MAN2A2: variants seen among roughly 807,000 people sequenced by gnomAD.
MAN2A2 encodes mannosidase alpha class 2A member 2, also known as alpha-mannosidase 2x.
MAN2A2 carries 79 observed loss-of-function variants against 126.8 expected under a neutral mutation model. The observed-to-expected ratio is 0.62, with a 90% CI of 0.52 to 0.75. MAN2A2 has a LOEUF of 0.75. Among genes scored for constraint, MAN2A2 ranks in the 30% least tolerant of loss-of-function variants. The probability of loss-of-function intolerance (pLI) is 0.00; values close to 1 mark genes in which losing one functional copy is unlikely to be tolerated. For synonymous variants in MAN2A2, 671 were observed against 618.7 expected (o/e 1.08, Z -1.25); for missense variants, 1,392 against 1,522.4 (o/e 0.91, Z 1.43).
Position 90,905,456 on chromosome 15 carries a change from C to T in MAN2A2, c.338C>T (p.Pro113Leu), listed in dbSNP as rs777326496. ...EPRPSFFSIS[P>L]QDCQFALGGR... ...CGGCCCAGCTTCTTCTCCATCTCCCCGCAGGACTGCCAGTTTGCTTTGGGG... is the reference window on the plus strand; with the variant it reads ...CGGCCCAGCTTCTTCTCCATCTCCCTGCAGGACTGCCAGTTTGCTTTGGGG... The change falls in exon 3 of 23, where the codon CCG (proline) becomes CTG (leucine). Residue 113 changes from proline to leucine, a missense_variant. Pro to Leu is a moderately conservative substitution (Grantham distance 98, BLOSUM62 -3). Transcript: ENST00000559717. The T allele has an allele frequency of 1.4e-5, 23 of 1,613,800 alleles. No homozygotes were observed. The highest frequency in any genetic ancestry group is 1.6e-4 in the Middle Eastern group (1 of 6,082).
At chr15:90,906,153 G>A in intron 5 of MAN2A2, 137 bp downstream of exon 5, 1 of 1,364,044 alleles carries the variant, frequency 7.3e-7, no homozygotes, top group South Asian at 1.3e-5. Context: ...TGATGGTGGA[G>A]GGAGGGAAGG....
Position 90,910,875 on chromosome 15 carries a change from C to G in MAN2A2, c.1789C>G (p.Gln597Glu). The G allele has an allele frequency of 1.2e-6, 2 of 1,614,156 alleles. No homozygotes were observed. Among genetic ancestry groups the G allele is most frequent in the Non-Finnish European group, 1.7e-6 (2 of 1,180,020 alleles). Residue 597 changes from glutamine to glutamate, a missense_variant, in exon 12 of 23, where the codon CAG becomes GAG. Physicochemically the swap from Gln to Glu is conservative, Grantham distance 29. Coordinates refer to ENST00000559717, the MANE Select transcript of MAN2A2 (RefSeq NM_006122.4). ...TCTGCGCTCCCTTGTCAACCTGAAG[C>G]AGGTCATCATTCATGCAGCCCACTA... ...RLLRSLVNLK[Q>E]VIIHAAHYLV... is the part of the protein sequence containing the mutation.
At chr15:90,906,250 G>T in intron 5 of MAN2A2, 120 bp from the exon 6 acceptor site, 3 of 1,391,424 alleles carry the variant, frequency 2.2e-6, no homozygotes, top group Non-Finnish European at 2.0e-6. Flanking sequence ...GTGTTCTCTT[G>T]GTCCTGGGAT....
At chr15:90,907,610 A>C (rs2034403311) in intron 8 of MAN2A2, 115 bp downstream of exon 8, 1 of 930,108 alleles carries the variant, frequency 1.1e-6, no homozygotes, top group African/African-American at 1.7e-5. Flanking sequence ...TAGCCTCTGC[A>C]GCAGCAGCTC....
chr15:90,911,874 A>G, intron 14 of MAN2A2, 169 bp from the exon 15 acceptor site: 1 of 673,842 alleles, frequency 1.5e-6, no homozygotes, highest in Admixed American at 2.4e-5. Context: ...TGAGAATCAT[A>G]AAGTCTGATG....
Position 90,913,604 on chromosome 15 carries a change from G to GC in MAN2A2, c.2719-5dup. 1.2e-6 allele frequency: 2 copies of GC among 1,606,124 alleles called. No homozygotes were observed. Among genetic ancestry groups the GC allele is most frequent in the Non-Finnish European group, 1.7e-6 (2 of 1,176,858 alleles). Reference sequence around the variant, plus strand: ...CGGGTGCCCTTGATCTGCTGGCCTTGCCCCCACAGGTGCAGCCCCGACGGT... The same window carrying GC: ...CGGGTGCCCTTGATCTGCTGGCCTTGCCCCCCACAGGTGCAGCCCCGACGGT... On this transcript the variant is annotated splice_polypyrimidine_tract_variant and intron_variant, in intron 18 of 22. Coordinates refer to ENST00000559717, the MANE Select transcript of MAN2A2 (RefSeq NM_006122.4).
At chr15:90,910,989 A>G in intron 12 of MAN2A2, 28 bp downstream of exon 12, 1 of 1,588,452 alleles carries the variant, frequency 6.3e-7, no homozygotes, top group South Asian at 1.1e-5. Flanking sequence ...CTGCATGGGG[A>G]CCCTCTGGTG....
intron 1 of MAN2A2, chr15:90,903,806 CTT>C: frequency 3.0e-6 from 1 of 327,974 alleles, no homozygotes; most frequent in Non-Finnish European, 6.0e-6. Flanking sequence ...TCTGGCTAAA[CTT>C]TTAAATCAAA....
intron 20 of MAN2A2, 133 bp from the exon 21 acceptor site, chr15:90,918,061 C>T (rs552646927): frequency 1.1e-5 from 9 of 788,612 alleles, no homozygotes; most frequent in African/African-American, 8.6e-5. Context: ...TGGAGCCAGG[C>T]GTGCCCTTGA....
chr15:90,906,721 G>T lies in MAN2A2; in HGVS notation c.836-19G>T, dbSNP rs1241961595. 2.5e-6 allele frequency: 4 copies of T among 1,608,566 alleles called. No homozygotes were observed. Among genetic ancestry groups the T allele is most frequent in the Middle Eastern group, 1.7e-4 (1 of 6,060 alleles). On this transcript the variant is annotated intron_variant, in intron 6 of 22. Coordinates refer to ENST00000559717, the MANE Select transcript of MAN2A2 (RefSeq NM_006122.4). The stretch of plus-strand genomic sequence containing the variant: ...CTGAGGTGTGTTCAGGGCCTCTCTG[G>T]CTTCCATGCCCTGCCCAGGTGCAAC...
intron 8 of MAN2A2, among the ~76,000 whole-genome samples, chr15:90,908,385 T>G (rs1218507662): frequency 2.0e-5 from 3 of 152,216 alleles, no homozygotes; most frequent in Admixed American, 2.0e-4. Flanking sequence ...CTCTTTGGAC[T>G]GTGATATTTA....
At chr15:90,916,355 G>A in intron 20 of MAN2A2, 99 bp downstream of exon 20, 1 of 1,478,108 alleles carries the variant, frequency 6.8e-7, no homozygotes, top group East Asian at 2.3e-5. Context: ...GTTGGAGGTG[G>A]GCAAGAGAGA....
upstream of MAN2A2, chr15:90,902,574 A>G (rs1429806724): frequency 6.6e-6 from 1 of 152,194 alleles, no homozygotes; most frequent in African/African-American, 2.4e-5. Context: ...GAGGTTCCGC[A>G]GCTGGCCAGG....
chr15:90,917,922 T>G (rs1596181440), intron 20 of MAN2A2: 2 of 399,774 alleles, frequency 5.0e-6, no homozygotes, highest in Non-Finnish European at 4.6e-6. Flanking sequence ...CTGATGGGAG[T>G]GGGTTGCTCA....
At chr15:90,912,494 C>G (rs138031874) in intron 15 of MAN2A2, 48 bp from the exon 16 acceptor site, 1 of 1,605,352 alleles carries the variant, frequency 6.2e-7, no homozygotes, top group East Asian at 2.3e-5. Context: ...GGAGGCAGGC[C>G]TGACATGCTG....
chr15:90,904,651 G>A (rs536036720), intron 2 of MAN2A2, among the ~76,000 whole-genome samples: 5 of 151,214 alleles, frequency 3.3e-5, no homozygotes, highest in African/African-American at 7.3e-5. Context: ...GTGCAGTGGC[G>A]CGATCTTGGC....
In MAN2A2 at chr15:90,918,268, G is replaced by T; in HGVS notation, c.3069G>T (p.Ala1023=). Reference sequence around the variant, plus strand: ...CCTCCATGTACCTGAACGCCCCGGCGCTCGCTCTGCCTGTAGCCAGGATGC... The same window carrying T: ...CCTCCATGTACCTGAACGCCCCGGCTCTCGCTCTGCCTGTAGCCAGGATGC... ...HLTSMYLNAP[A]LALPVARMQL... is the part of the protein sequence containing the mutation. Residue 1023 remains alanine (A), a synonymous_variant, in exon 21 of 23, where the codon GCG becomes GCT. Transcript: ENST00000559717. 1 of 1,614,144 alleles carries T rather than the reference G, an allele frequency of 6.2e-7. No homozygotes were observed. Among genetic ancestry groups the T allele is most frequent in the South Asian group, 1.1e-5 (1 of 91,086 alleles).
rs12909056 is a variant in MAN2A2 at position 90,916,245 on chromosome 15, G to A, written c.2983G>A (p.Val995Met). Residue 995 changes from valine (V) to methionine (M), a missense_variant, in exon 20 of 23, where the codon GTG (valine) becomes ATG (methionine). Val to Met is a conservative substitution (Grantham distance 21). Coordinates refer to ENST00000559717, the MANE Select transcript of MAN2A2 (RefSeq NM_006122.4). Reference sequence around the variant, plus strand: ...CCGCCTCCTGCTAGAGCGGCGAACCGTGGGCAGTGAGGTAACATCTGGGGC... The same window carrying A: ...CCGCCTCCTGCTAGAGCGGCGAACCATGGGCAGTGAGGTAACATCTGGGGC... ...RFRLLLERRT[V>M]GSEVQDSHST... 144,093 of 1,613,756 alleles carry A rather than the reference G, an allele frequency of 0.089. 8,623 individuals carry two copies. The highest frequency in any genetic ancestry group is 0.29 in the African/African-American group (21,458 of 74,996).
Position 90,906,020 on chromosome 15 carries a change from A to G in MAN2A2, c.707+4A>G. 1 of 1,613,666 alleles carries G rather than the reference A, an allele frequency of 6.2e-7. No homozygotes were observed. The highest frequency in any genetic ancestry group is 8.5e-7 in the Non-Finnish European group (1 of 1,180,010). ...AAAAGAGAGCGGCAGTCCGAAGGCC[A>G]GTACCAGGCGGGGAGGCATGGGAGG... is the stretch of plus-strand genomic sequence containing the variant. On this transcript the variant is annotated splice_donor_region_variant and intron_variant, in intron 5 of 22. Coordinates refer to ENST00000559717, the MANE Select transcript of MAN2A2 (RefSeq NM_006122.4).
Sources: gnomAD v4.1 joint callset for allele counts (sites outside exome capture counted in the v4.1 genomes callset) on GRCh38, gnomAD v4.1.1 for gene constraint, MANE v1.5 for transcripts, NCBI Gene and HGNC (gene_info 2026-07-23, HGNC 2026-07-21) for gene names.